Variants in SLC24A2 observed in about 807,000 individuals in gnomAD.
SLC24A2 encodes sodium/potassium/calcium exchanger 2.
In SLC24A2, 36 loss-of-function variants were observed where a neutral mutation model predicts 62.0. That is an observed-to-expected ratio of 0.58 (90% CI 0.44 to 0.77). The LOEUF is 0.77. SLC24A2 is among the 30% of genes least tolerant of loss of function. The probability of loss-of-function intolerance (pLI) is 0.00; values close to 1 mark genes in which losing one functional copy is unlikely to be tolerated. For missense variants in SLC24A2, 846 were observed against 817.9 expected, an observed-to-expected ratio of 1.03 and a Z score of -0.42; for synonymous variants, 358 against 294.0, an observed-to-expected ratio of 1.22 and a Z score of -2.23.
the SLC24A2 span, among the ~76,000 whole-genome samples, chr9:20,184,233 G>T: frequency 3.3e-5 from 5 of 152,312 alleles, no homozygotes; most frequent in Middle Eastern, 3.4e-3. Context: ...CCTCATACCT[G>T]TTTGAATGCC....
At chr9:20,071,110 C>T in the SLC24A2 span, among the ~76,000 whole-genome samples, 2 of 152,286 alleles carry the variant, frequency 1.3e-5, no homozygotes, top group East Asian at 1.9e-4. Context: ...TTGCCTTCCA[C>T]CATGATTGGA....
the SLC24A2 span, among the ~76,000 whole-genome samples, chr9:20,193,202 C>T: frequency 7.0e-3 from 1,068 of 152,078 alleles, 6 homozygotes; most frequent in African/African-American, 0.023. Context: ...GATGCATATA[C>T]CAATTAAGGT....
chr9:19,994,592 C>T, the SLC24A2 span, among the ~76,000 whole-genome samples: 2 of 152,154 alleles, frequency 1.3e-5, no homozygotes, highest in African/African-American at 4.8e-5. Flanking sequence ...GCATCACTTA[C>T]CACTCTCAGA....
chr9:20,104,471 G>A, the SLC24A2 span, among the ~76,000 whole-genome samples: 1 of 152,222 alleles, frequency 6.6e-6, no homozygotes, highest in Non-Finnish European at 1.5e-5. Context: ...TACCCACAAA[G>A]GGAAGCCCAT....
intron 2 of SLC24A2, among the ~76,000 whole-genome samples, chr9:19,782,725 A>G (rs980682146): frequency 5.3e-5 from 8 of 152,204 alleles, no homozygotes; most frequent in Non-Finnish European, 1.2e-4. Context: ...ATTGAAAACA[A>G]CCCACATTTT....
the SLC24A2 span, among the ~76,000 whole-genome samples, chr9:19,876,617 A>T: frequency 1.3e-5 from 2 of 152,178 alleles, no homozygotes; most frequent in Non-Finnish European, 2.9e-5. Context: ...CATTGTAAGA[A>T]ATAGTTTTAT....
At chr9:19,911,445 C>G in the SLC24A2 span, among the ~76,000 whole-genome samples, 7 of 151,734 alleles carry the variant, frequency 4.6e-5, no homozygotes, top group East Asian at 1.9e-4. Context: ...TAATGGGATG[C>G]CTGGGTCAAA....
intron 10 of SLC24A2, among the ~76,000 whole-genome samples, chr9:19,516,714 T>C (rs1832947171): frequency 6.6e-6 from 1 of 152,218 alleles, no homozygotes. Flanking sequence ...GTTTCCTTCC[T>C]AGTTGAGATT....
the SLC24A2 span, among the ~76,000 whole-genome samples, chr9:20,178,536 G>A: frequency 5.3e-5 from 8 of 151,982 alleles, no homozygotes; most frequent in Admixed American, 6.6e-5. Flanking sequence ...GCTAGCTGTG[G>A]GTTTCCTTTT....
the SLC24A2 span, among the ~76,000 whole-genome samples, chr9:20,007,504 C>T: frequency 6.6e-6 from 1 of 152,104 alleles, no homozygotes; most frequent in South Asian, 2.1e-4. Flanking sequence ...ATGGTGTATA[C>T]ATGTGTGAAT....
At chr9:19,730,636 AAG>A (rs1308952934) in intron 2 of SLC24A2, among the ~76,000 whole-genome samples, 11 of 152,274 alleles carry the variant, frequency 7.2e-5, no homozygotes, top group African/African-American at 2.6e-4. Context: ...TATCTAGTTT[AAG>A]AGTCATTGTT....
chr9:20,119,929 T>G, the SLC24A2 span, among the ~76,000 whole-genome samples: 40 of 152,142 alleles, frequency 2.6e-4, no homozygotes, highest in African/African-American at 9.7e-4. Flanking sequence ...ACAACACAAA[T>G]TTATTGCCTT....
At chr9:19,574,027 CT>C (rs1835935475) in intron 6 of SLC24A2, among the ~76,000 whole-genome samples, 1 of 152,116 alleles carries the variant, frequency 6.6e-6, no homozygotes, top group African/African-American at 2.4e-5. Context: ...GATCGGGTTG[CT>C]ATCTTAGGCT....
At chr9:19,560,954 C>A (rs1453925715) in intron 7 of SLC24A2, among the ~76,000 whole-genome samples, 1 of 145,192 alleles carries the variant, frequency 6.9e-6, no homozygotes. Flanking sequence ...GAGACAGAGT[C>A]TTACTCTGTC....
the SLC24A2 span, among the ~76,000 whole-genome samples, chr9:20,117,381 C>T: frequency 2.0e-5 from 3 of 152,104 alleles, no homozygotes; most frequent in Admixed American, 6.6e-5. Flanking sequence ...AGAGATAATT[C>T]TGTCATTTTT....
At chr9:19,747,539 T>C (rs889221871) in intron 2 of SLC24A2, among the ~76,000 whole-genome samples, 1 of 152,218 alleles carries the variant, frequency 6.6e-6, no homozygotes, top group African/African-American at 2.4e-5. Context: ...GTGGCTAGCA[T>C]GTAATCAGCA....
chr9:20,234,004 A>G, the SLC24A2 span, among the ~76,000 whole-genome samples: 1 of 152,214 alleles, frequency 6.6e-6, no homozygotes, highest in African/African-American at 2.4e-5. Context: ...TTGGCTGGAT[A>G]TGAAATTCTG....
chr9:19,950,581 A>C, the SLC24A2 span, among the ~76,000 whole-genome samples: 2 of 152,220 alleles, frequency 1.3e-5, no homozygotes, highest in African/African-American at 2.4e-5. Context: ...CTTTGCAGTA[A>C]CATGTATTCA....
chr9:19,558,989 G>GT (rs1426519442), intron 7 of SLC24A2, among the ~76,000 whole-genome samples: 1 of 152,088 alleles, frequency 6.6e-6, no homozygotes, highest in African/African-American at 2.4e-5. Context: ...TTTTCATATG[G>GT]TTTTCTACTA....
Sources: gnomAD v4.1 joint callset for allele counts (sites outside exome capture counted in the v4.1 genomes callset) on GRCh38, gnomAD v4.1.1 for gene constraint, MANE v1.5 for transcripts, NCBI Gene and HGNC (gene_info 2026-07-23, HGNC 2026-07-21) for gene names.